The following SCARB1 variants were observed in gnomAD, a reference collection of about 807,000 sequenced individuals.
SCARB1 encodes CD36 and LIMPII analogous 1.
SCARB1 carries 30 observed loss-of-function variants against 57.2 expected under a neutral mutation model. The observed-to-expected ratio is 0.52, with a 90% CI of 0.39 to 0.71. The LOEUF (loss-of-function observed/expected upper bound fraction) is 0.71, where lower values mean the gene tolerates loss of function less well. SCARB1 is among the 30% of genes least tolerant of loss of function. The pLI is 0.00. For missense variants in SCARB1, 543 were observed against 671.2 expected, an observed-to-expected ratio of 0.81 and a Z score of 2.11; for synonymous variants, 249 against 268.3, an observed-to-expected ratio of 0.93 and a Z score of 0.70.
At chr12:124,836,879 T>A (rs1219862926) in intron 1 of SCARB1, among the ~76,000 whole-genome samples, 1 of 152,176 alleles carries the variant, frequency 6.6e-6, no homozygotes, top group Non-Finnish European at 1.5e-5. Flanking sequence ...ACAGGGAGAT[T>A]AAACCACTCG....
chr12:124,785,859 G>A (rs1234772166), intron 11 of SCARB1: 14 of 558,836 alleles, frequency 2.5e-5, no homozygotes, highest in Middle Eastern at 9.2e-4. Flanking sequence ...GGCTCACGCT[G>A]TATTTCTATT....
intron 9 of SCARB1, 29 bp downstream of exon 9, chr12:124,795,166 T>G: frequency 6.3e-7 from 1 of 1,583,740 alleles, no homozygotes. Context: ...CAATGAGCAA[T>G]GCAGCCCCAG....
At chr12:124,863,489 G>T in intron 1 of SCARB1, 106 bp downstream of exon 1, 1 of 1,289,870 alleles carries the variant, frequency 7.8e-7, no homozygotes, top group Non-Finnish European at 1.1e-6. Context: ...CCCGGGCGCC[G>T]ATTCCGCTGC....
At chr12:124,834,031 G>A (rs571861567) in intron 1 of SCARB1, among the ~76,000 whole-genome samples, 19 of 152,314 alleles carry the variant, frequency 1.2e-4, no homozygotes, top group East Asian at 3.9e-4. Context: ...CGTGACTCCC[G>A]AGACCTCCTG....
At chr12:124,806,177 C>T (rs1213534170) in intron 7 of SCARB1, among the ~76,000 whole-genome samples, 6 of 152,190 alleles carry the variant, frequency 3.9e-5, no homozygotes, top group East Asian at 3.9e-4. Context: ...CCAGGAAGGA[C>T]GTGTCCGTGG....
intron 1 of SCARB1, among the ~76,000 whole-genome samples, chr12:124,856,860 G>A (rs908051137): frequency 2.0e-5 from 3 of 152,206 alleles, no homozygotes; most frequent in Non-Finnish European, 2.9e-5. Flanking sequence ...TGGCCTCCCC[G>A]GGAGCCTCAC....
rs967297773 is a variant in SCARB1, at chr12:124,814,052, C to T, written c.630+150G>A. ...CCAACATTCCCCATTTCACTCAAGC[C>T]GGTTTGAGTCAGGTTCTCAGTCACT... On this transcript the variant is annotated intron_variant, in intron 4 of 12. Coordinates refer to ENST00000261693, the MANE Select transcript of SCARB1 (RefSeq NM_005505.5). This position sits in a 1 kb window ranked among gnomAD's most constrained non-coding sequence, Gnocchi z 4.7. 15 of 769,416 alleles carry T rather than the reference C, an allele frequency of 1.9e-5. No individual in the cohort carries two copies. The highest frequency in any genetic ancestry group is 2.8e-5 in the Non-Finnish European group (12 of 430,218). 47.7% of individuals were successfully genotyped at this position (769,416 alleles called of 1,614,324 possible). A position where few individuals can be genotyped will look rare whatever the true frequency, so the allele number is the denominator to read the frequency against.
chr12:124,858,566 T>C (rs1952734003), intron 1 of SCARB1, among the ~76,000 whole-genome samples: 1 of 152,110 alleles, frequency 6.6e-6, no homozygotes, highest in Admixed American at 6.5e-5. Context: ...TATCTGTTCA[T>C]TCGTAATTTT....
chr12:124,792,347 G>A (rs1949763275), intron 9 of SCARB1, among the ~76,000 whole-genome samples: 2 of 152,100 alleles, frequency 1.3e-5, no homozygotes, highest in South Asian at 4.1e-4. Context: ...TCCACAGGGA[G>A]GTCAGCAGCT....
At chr12:124,838,395 C>T (rs1238293140) in intron 1 of SCARB1, among the ~76,000 whole-genome samples, 4 of 152,200 alleles carry the variant, frequency 2.6e-5, no homozygotes, top group African/African-American at 9.6e-5. Flanking sequence ...GGACATGTGT[C>T]TGTTGTGAAG....
At chr12:124,827,757 C>A (rs1345773742) in intron 1 of SCARB1, among the ~76,000 whole-genome samples, 1 of 152,200 alleles carries the variant, frequency 6.6e-6, no homozygotes, top group Non-Finnish European at 1.5e-5. Flanking sequence ...TTACATGCCC[C>A]CTTCTCAGAA....
chr12:124,791,415 A>C (rs1382138925), intron 9 of SCARB1, among the ~76,000 whole-genome samples: 1 of 152,122 alleles, frequency 6.6e-6, no homozygotes, highest in African/African-American at 2.4e-5. Context: ...TATAAGCGAG[A>C]TATTATAACG....
At chr12:124,778,694 C>T in intron 12 of SCARB1, 108 bp from the exon 13 acceptor site, 1 of 1,133,640 alleles carries the variant, frequency 8.8e-7, no homozygotes. Context: ...GAGACTCCAC[C>T]CCCGCCACCA....
Position 124,807,231 on chromosome 12 carries a change from A to T in SCARB1, c.1009+530T>A, listed in dbSNP as rs922232460. On this transcript the variant is annotated intron_variant, in intron 7 of 12. Transcript: ENST00000261693. The surrounding 1 kb of genome is among the most constrained non-coding windows in gnomAD (Gnocchi z 5.3). ...AAATAATAATAAACAAGATGGGGAG[A>T]TTGTCCTGGGGTATCCAGGAGAGCA... is the stretch of plus-strand genomic sequence containing the variant. 1.3e-5 allele frequency among the ~76,000 whole-genome samples: 2 copies of T among 152,020 alleles called. No individual in the cohort carries two copies. Among genetic ancestry groups the T allele is most frequent in the African/African-American group, 4.8e-5 (2 of 41,368 alleles).
At chr12:124,815,759 G>A (rs1011793369) in intron 2 of SCARB1, among the ~76,000 whole-genome samples, 14 of 152,262 alleles carry the variant, frequency 9.2e-5, no homozygotes, top group African/African-American at 1.2e-4. Context: ...CCAGCTACTC[G>A]GGAGGCTGAG....
At chr12:124,821,306 C>T in intron 1 of SCARB1, 1 of 893,314 alleles carries the variant, frequency 1.1e-6, no homozygotes, top group Non-Finnish European at 1.3e-6. Flanking sequence ...TTTCCCTTTG[C>T]AGCCTCCCTC....
intron 1 of SCARB1, among the ~76,000 whole-genome samples, chr12:124,818,117 G>C (rs971227082): frequency 6.6e-6 from 1 of 152,160 alleles, no homozygotes; most frequent in African/African-American, 2.4e-5. Flanking sequence ...CAAGCACTGA[G>C]CACTACCACC....
intron 7 of SCARB1, among the ~76,000 whole-genome samples, chr12:124,803,243 A>G (rs963490263): frequency 6.6e-6 from 1 of 152,182 alleles, no homozygotes; most frequent in Non-Finnish European, 1.5e-5. Context: ...TTTCTCAGTC[A>G]GGGTGCTGGC....
intron 2 of SCARB1, among the ~76,000 whole-genome samples, chr12:124,815,751 A>G (rs1447588259): frequency 1.3e-5 from 2 of 152,168 alleles, no homozygotes; most frequent in Admixed American, 6.5e-5. Context: ...CTGTAATCCC[A>G]GCTACTCGGG....
Sources: gnomAD v4.1 joint callset for allele counts (sites outside exome capture counted in the v4.1 genomes callset) on GRCh38, gnomAD v4.1.1 for gene constraint, Gnocchi (gnomAD v3.1) non-coding constraint, MANE v1.5 for transcripts, NCBI Gene and HGNC (gene_info 2026-07-23, HGNC 2026-07-21) for gene names.